BAIAP2: variants seen among roughly 807,000 people sequenced by gnomAD.
The protein encoded by BAIAP2 is BAR/IMD domain-containing adapter protein 2.
BAIAP2 carries 18 observed loss-of-function variants against 63.0 expected under a neutral mutation model. That is an observed-to-expected ratio of 0.29 (90% CI 0.20 to 0.42). BAIAP2 has a LOEUF of 0.42. Ranked by LOEUF, BAIAP2 falls within the 10% of genes least tolerant of loss-of-function variation. The pLI, the probability that BAIAP2 is intolerant of heterozygous loss-of-function variation, is 1.00. For missense variants in BAIAP2, 610 were observed against 734.3 expected (o/e 0.83, Z 1.96); for synonymous variants, 386 against 307.6 (o/e 1.25, Z -2.67).
At chr17:81,084,145 G>A (rs572132341) in intron 3 of BAIAP2, among the ~76,000 whole-genome samples, 2 of 152,310 alleles carry the variant, frequency 1.3e-5, no homozygotes, top group East Asian at 1.9e-4. Context: ...GTCCCCAAGC[G>A]CTGCCCGTGT....
At chr17:81,103,843 C>CT (rs959751399) in intron 8 of BAIAP2, 64 bp from the exon 9 acceptor site, 70 of 1,602,040 alleles carry the variant, frequency 4.4e-5, no homozygotes, top group Non-Finnish European at 5.6e-5. Flanking sequence ...GGAGGGTTCT[C>CT]TTTCCCCCTG....
chr17:81,047,944 C>T (rs562080804), intron 1 of BAIAP2, among the ~76,000 whole-genome samples: 2 of 152,256 alleles, frequency 1.3e-5, no homozygotes, highest in African/African-American at 2.4e-5. Flanking sequence ...TGTGGCCATA[C>T]GCGCCCACCC....
At chr17:81,096,601 C>T (rs1448613369) in intron 6 of BAIAP2, among the ~76,000 whole-genome samples, 2 of 152,240 alleles carry the variant, frequency 1.3e-5, no homozygotes, top group Non-Finnish European at 2.9e-5. Flanking sequence ...CCTCCTTGTG[C>T]ACAAGCCCAC....
chr17:81,110,708 G>A (rs576802657), intron 13 of BAIAP2, among the ~76,000 whole-genome samples: 2 of 152,338 alleles, frequency 1.3e-5, no homozygotes, highest in East Asian at 3.9e-4. Context: ...TGCAGCTGAG[G>A]CAGGCTCCTG....
chr17:81,094,253 C>T (rs2057286683), intron 6 of BAIAP2, among the ~76,000 whole-genome samples: 1 of 152,228 alleles, frequency 6.6e-6, no homozygotes, highest in African/African-American at 2.4e-5. Context: ...GTTTGTGTGT[C>T]TAGCCCACTG....
In BAIAP2 at chr17:81,103,610, G is replaced by A. The variant is rs758866130; in HGVS notation, c.751G>A (p.Gly251Ser). 21 of 1,605,352 alleles carry A rather than the reference G, an allele frequency of 1.3e-5. No individual in the cohort carries two copies. The highest frequency in any genetic ancestry group is 8.9e-5 in the East Asian group (4 of 44,854). The change falls in exon 8 of 14, where the codon GGC becomes AGC. Residue 251 changes from glycine (G) to serine (S), a missense_variant. Transcript: ENST00000428708. ...GCTCATGCAGCAGGTGGCCAGCAAC[G>A]GCGCCACCCTCCCCAGCGCCCTGTC... ...VQLMQQVASN[G>S]ATLPSALSAS...
chr17:81,099,148 C>A (rs941027561), intron 6 of BAIAP2, among the ~76,000 whole-genome samples: 8 of 152,234 alleles, frequency 5.3e-5, no homozygotes, highest in Non-Finnish European at 1.2e-4. Flanking sequence ...TCTGATCTTG[C>A]TGTCCCCGTG....
chr17:81,071,475 C>T (rs1344848896), intron 3 of BAIAP2, among the ~76,000 whole-genome samples: 1 of 152,244 alleles, frequency 6.6e-6, no homozygotes, highest in Non-Finnish European at 1.5e-5. Context: ...TCAGAAGGCT[C>T]TGGAAGGTGA....
At chr17:81,107,360 C>T (rs748378679) in intron 12 of BAIAP2, 10 of 161,104 alleles carry the variant, frequency 6.2e-5, no homozygotes, top group Non-Finnish European at 1.2e-4. Context: ...TGGCATGTGG[C>T]TGGACCCCTT....
intron 1 of BAIAP2, among the ~76,000 whole-genome samples, chr17:81,050,747 A>ATG (rs2048542799): frequency 6.8e-6 from 1 of 147,436 alleles, no homozygotes; most frequent in African/African-American, 2.5e-5. Context: ...GCACACGTGG[A>ATG]CACACATGCA....
intron 10 of BAIAP2, 105 bp downstream of exon 10, chr17:81,104,820 C>T: frequency 2.4e-6 from 3 of 1,265,130 alleles, no homozygotes; most frequent in South Asian, 2.9e-5. Flanking sequence ...AGTGGCTGTG[C>T]AGGTTGCGGG....
At chr17:81,057,334 C>T (rs2049761977) in intron 2 of BAIAP2, 1 of 152,446 alleles carries the variant, frequency 6.6e-6, no homozygotes, top group East Asian at 1.9e-4. Flanking sequence ...GACTCTGCCT[C>T]TGAGATGCTG....
intron 3 of BAIAP2, among the ~76,000 whole-genome samples, chr17:81,067,165 T>TC (rs908971423): frequency 4.6e-5 from 7 of 151,920 alleles, no homozygotes; most frequent in East Asian, 1.9e-4. Flanking sequence ...GTACCTCCCT[T>TC]CCCCCCCACA....
chr17:81,066,202 T>C (rs1349794606), intron 3 of BAIAP2, among the ~76,000 whole-genome samples: 1 of 152,210 alleles, frequency 6.6e-6, no homozygotes, highest in Non-Finnish European at 1.5e-5. Flanking sequence ...GCATGCTTGT[T>C]TGTGATCACA....
At chr17:81,114,058 G>C (rs2060225213) in intron 13 of BAIAP2, among the ~76,000 whole-genome samples, 2 of 150,324 alleles carry the variant, frequency 1.3e-5, no homozygotes, top group African/African-American at 4.9e-5. Flanking sequence ...TCGCCCTCCT[G>C]GGTTCAAGCG....
chr17:81,116,639 A>C lies in BAIAP2; in HGVS notation c.*800A>C, dbSNP rs1598890812. 5 of 375,400 alleles carry C rather than the reference A, an allele frequency of 1.3e-5. No homozygotes were observed. Among genetic ancestry groups the C allele is most frequent in the South Asian group, 3.9e-5 (1 of 25,430 alleles). The allele number at this position is 375,400 out of a possible 1,614,324, so 23.3% of individuals were successfully genotyped here. ...GGTCTGCCCCAGGACTCCTGGGTGG[A>C]CCTCCCCCCCCCACCTCCGCTGACT... On this transcript the variant is annotated 3_prime_UTR_variant, in exon 14 of 14. Transcript: ENST00000428708.
chr17:81,098,251 A>G, intron 6 of BAIAP2: 1 of 1,246,640 alleles, frequency 8.0e-7, no homozygotes, highest in Non-Finnish European at 1.0e-6. Context: ...GCCTCTGCCC[A>G]GGATGGGAGC....
intron 6 of BAIAP2, among the ~76,000 whole-genome samples, chr17:81,094,538 C>T (rs768340252): frequency 4.6e-5 from 7 of 152,176 alleles, no homozygotes; most frequent in Non-Finnish European, 7.3e-5. Context: ...CACCTGCCAC[C>T]GGGGCCAGAG....
At chr17:81,044,596 G>A (rs2047539106) in intron 1 of BAIAP2, among the ~76,000 whole-genome samples, 1 of 152,228 alleles carries the variant, frequency 6.6e-6, no homozygotes, top group Admixed American at 6.5e-5. Flanking sequence ...CTTGGGAGGG[G>A]ACACAGTTCA....
Sources: allele counts gnomAD v4.1 joint callset (sites outside exome capture counted in the v4.1 genomes callset), GRCh38; gene constraint gnomAD v4.1.1; transcripts MANE v1.5; gene names NCBI Gene and HGNC (gene_info 2026-07-23, HGNC 2026-07-21).